The following CALCR variants were observed in gnomAD, a reference collection of about 807,000 sequenced individuals.
CALCR encodes the protein calcitonin receptor.
CALCR carries 47 observed loss-of-function variants against 59.5 expected under a neutral mutation model. That is an observed-to-expected ratio of 0.79 (90% CI 0.63 to 1.01). The LOEUF (loss-of-function observed/expected upper bound fraction) is 1.01, where lower values mean the gene tolerates loss of function less well. Among genes scored for constraint, CALCR ranks in the 50% least tolerant of loss-of-function variants. The pLI, the probability that CALCR is intolerant of heterozygous loss-of-function variation, is 0.00. For missense variants in CALCR, 566 were observed against 597.1 expected (o/e 0.95, Z 0.54); for synonymous variants, 213 against 211.3 (o/e 1.01, Z -0.07).
chr7:93,478,681 C>A (rs1004663750), intron 4 of CALCR, among the ~76,000 whole-genome samples: 1 of 150,808 alleles, frequency 6.6e-6, no homozygotes, highest in African/African-American at 2.4e-5. Flanking sequence ...CTTATTGAAT[C>A]TTTTCAAATG....
At position 93,425,601 on chromosome 7, in the gene CALCR, C is replaced by T. The variant is rs902604921; in HGVS notation, c.*755G>A. ...TTTAGTGATAGATTCTTTGTGACCT[C>T]TCAGTTTATAAACATCAGCAACCAA... On this transcript the variant is annotated 3_prime_UTR_variant, in exon 14 of 14. Transcript: ENST00000426151. 1.3e-5 allele frequency: 2 copies of T among 152,322 alleles called. No individual in the cohort carries two copies. Among genetic ancestry groups the T allele is most frequent in the African/African-American group, 2.4e-5 (1 of 41,414 alleles). 9.4% of individuals were successfully genotyped at this position (152,322 alleles called of 1,614,324 possible). A position where few individuals can be genotyped will look rare whatever the true frequency, so the allele number is the denominator to read the frequency against.
chr7:93,449,960 T>C (rs977852541), intron 8 of CALCR, among the ~76,000 whole-genome samples: 1 of 152,052 alleles, frequency 6.6e-6, no homozygotes, highest in Non-Finnish European at 1.5e-5. Flanking sequence ...GGTGTTTCCC[T>C]TTGCGCTATG....
At chr7:93,448,431 C>T (rs1385351926) in intron 8 of CALCR, among the ~76,000 whole-genome samples, 2 of 151,880 alleles carry the variant, frequency 1.3e-5, no homozygotes, top group Non-Finnish European at 2.9e-5. Context: ...TAGATAAGCT[C>T]TTTTGGTTTT....
In CALCR at chr7:93,564,170, C is replaced by A. The variant is rs1427585421; in HGVS notation, c.-27+10119G>T. ...CACTTGTCTCTGTTTAGATTATATT[C>A]CAATCAGTGCCAACACTATCATTTA... On this transcript the variant is annotated intron_variant, in intron 2 of 13. Transcript: ENST00000426151. Among the ~76,000 whole-genome samples the A allele has an allele frequency of 3.3e-5, 5 of 151,922 alleles. No individual in the cohort carries two copies. The East Asian group carries it at 9.6e-4, about 29-fold the overall frequency.
At position 93,424,810 on chromosome 7, in the gene CALCR, T is replaced by TC. The variant is rs752931001; in HGVS notation, c.*1545dup. On this transcript the variant is annotated 3_prime_UTR_variant, in exon 14 of 14. Transcript: ENST00000426151. ...GATTGGAAAAATACCTTCTTTTCGATCCCCCCCTTACATTCAGTAAAGGAG... is the reference window on the plus strand; with the variant it reads ...GATTGGAAAAATACCTTCTTTTCGATCCCCCCCCTTACATTCAGTAAAGGAG... The TC allele has an allele frequency of 4.6e-5, 7 of 152,564 alleles. No homozygotes were observed. Among genetic ancestry groups the TC allele is most frequent in the South Asian group, 2.1e-4 (1 of 4,822 alleles). 9.5% of individuals were successfully genotyped at this position (152,564 alleles called of 1,614,324 possible).
chr7:93,434,384 C>T, intron 12 of CALCR, 90 bp from the exon 13 acceptor site: 2 of 684,244 alleles, frequency 2.9e-6, no homozygotes, highest in South Asian at 1.9e-5. Flanking sequence ...CAGAGAAGGC[C>T]TGATGAAAAA....
rs1353639946 is a variant in CALCR, at chr7:93,538,466, T to C, written c.-27+35823A>G. Among the ~76,000 whole-genome samples, 4 of 152,088 alleles carry C rather than the reference T, an allele frequency of 2.6e-5. No individual in the cohort carries two copies. The East Asian group carries it at 7.7e-4, about 29-fold the overall frequency. ...TTTAGTTTTTGGAATTATCATCTTT[T>C]TAATATCACTGCATGCTCAGATCTT... is the stretch of plus-strand genomic sequence containing the variant. On this transcript the variant is annotated intron_variant, in intron 2 of 13. Coordinates refer to ENST00000426151, the MANE Select transcript of CALCR (RefSeq NM_001742.4).
chr7:93,532,604 A>G (rs1788867856), intron 2 of CALCR, among the ~76,000 whole-genome samples: 1 of 151,952 alleles, frequency 6.6e-6, no homozygotes, highest in South Asian at 2.1e-4. Context: ...ACATGAAACA[A>G]AATTATTAAA....
intron 2 of CALCR, among the ~76,000 whole-genome samples, chr7:93,506,150 T>G (rs963187074): frequency 5.9e-5 from 9 of 152,156 alleles, no homozygotes; most frequent in African/African-American, 1.9e-4. Context: ...TCTGTGTGTG[T>G]CTGTGTCCTT....
Position 93,477,650 on chromosome 7 carries a change from G to A in CALCR, c.224C>T (p.Thr75Ile), listed in dbSNP as rs775164530. 3 of 1,610,062 alleles carry A rather than the reference G, an allele frequency of 1.9e-6. No individual in the cohort carries two copies. Among genetic ancestry groups the A allele is most frequent in the East Asian group, 4.5e-5 (2 of 44,642 alleles). The change falls in exon 5 of 14, where the codon ACC (threonine) becomes ATC (isoleucine). Residue 75 changes from threonine (T) to isoleucine (I), a missense_variant. Transcript: ENST00000426151. ...YQGEGPYCNR[T>I]WDGWLCWDDT... ...ATCCCAGCACAGCCATCCATCCCAGGTGCGATTGCAATATGGACCTGGCCA... is the reference window on the plus strand; with the variant it reads ...ATCCCAGCACAGCCATCCATCCCAGATGCGATTGCAATATGGACCTGGCCA...
In CALCR at chr7:93,574,681, A is replaced by C. The variant is rs1790082689; in HGVS notation, c.-245+11T>G. 6.5e-6 allele frequency: 1 copy of C among 152,692 alleles called. No individual in the cohort carries two copies. The allele number at this position is 152,692 out of a possible 1,614,324, so 9.5% of individuals were successfully genotyped here. On this transcript the variant is annotated intron_variant, in intron 1 of 13. Coordinates refer to ENST00000426151, the MANE Select transcript of CALCR (RefSeq NM_001742.4). ...CTTGCTTTCTACCTCCCCAGAGTCC[A>C]GGAGGCTCACCTTCCCGGCGCCTTC...
chr7:93,462,234 A>G, intron 7 of CALCR: 1 of 547,450 alleles, frequency 1.8e-6, no homozygotes, highest in Non-Finnish European at 3.2e-6. Flanking sequence ...ATATTTTTAA[A>G]AATTTAACTT....
chr7:93,522,784 G>A (rs1015550922), intron 2 of CALCR, among the ~76,000 whole-genome samples: 1 of 151,998 alleles, frequency 6.6e-6, no homozygotes, highest in African/African-American at 2.4e-5. Context: ...TTCCTCTCAT[G>A]TTAGTATGAA....
intron 7 of CALCR, among the ~76,000 whole-genome samples, chr7:93,467,780 C>A (rs1395456717): frequency 6.6e-6 from 1 of 151,378 alleles, no homozygotes; most frequent in Non-Finnish European, 1.5e-5. Flanking sequence ...TTCTGTGATA[C>A]CACCATGACT....
At chr7:93,521,013 T>C (rs1213844976) in intron 2 of CALCR, among the ~76,000 whole-genome samples, 4 of 152,182 alleles carry the variant, frequency 2.6e-5, no homozygotes, top group Non-Finnish European at 5.9e-5. Context: ...TTGGTGTTTC[T>C]CAGTTGGCTC....
intron 2 of CALCR, among the ~76,000 whole-genome samples, chr7:93,553,917 C>T (rs779268391): frequency 6.6e-6 from 1 of 152,142 alleles, no homozygotes; most frequent in Non-Finnish European, 1.5e-5. Context: ...CCTTCTAACA[C>T]GTCACTAAAT....
chr7:93,517,848 A>G (rs1415723785), intron 2 of CALCR, among the ~76,000 whole-genome samples: 1 of 151,912 alleles, frequency 6.6e-6, no homozygotes, highest in Non-Finnish European at 1.5e-5. Context: ...GATTAGTTCA[A>G]TATAACTAAA....
At chr7:93,432,595 C>T (rs904324447) in intron 13 of CALCR, among the ~76,000 whole-genome samples, 2 of 152,138 alleles carry the variant, frequency 1.3e-5, no homozygotes, top group African/African-American at 4.8e-5. Flanking sequence ...GAACTCGAGA[C>T]ATTCAATTGC....
At chr7:93,434,366 A>T in intron 12 of CALCR, 72 bp from the exon 13 acceptor site, 1 of 971,230 alleles carries the variant, frequency 1.0e-6, no homozygotes, top group Non-Finnish European at 1.6e-6. Context: ...ACAATATAAT[A>T]GACTGCCCAG....
Sources: gnomAD v4.1 joint callset for allele counts (sites outside exome capture counted in the v4.1 genomes callset) on GRCh38, gnomAD v4.1.1 for gene constraint, MANE v1.5 for transcripts, NCBI Gene and HGNC (gene_info 2026-07-23, HGNC 2026-07-21) for gene names.